The following THADA variants were observed in gnomAD, a reference collection of about 807,000 sequenced individuals.
THADA encodes tRNA (32-2'-O)-methyltransferase regulator THADA.
In THADA, 213 loss-of-function variants were observed where a neutral mutation model predicts 219.8. The ratio of observed to expected loss-of-function variants is 0.97; its 90% CI spans 0.87 to 1.09. The LOEUF is 1.09. Ranked by LOEUF, THADA falls within the 50% of genes least tolerant of loss-of-function variation. THADA has a pLI of 0.00. For synonymous variants in THADA, 1,018 were observed against 828.9 expected (o/e 1.23, Z -3.92); for missense variants, 2,956 against 2,311.3 (o/e 1.28, Z -5.72).
chr2:43,515,207 A>T (rs374152438), intron 22 of THADA, among the ~76,000 whole-genome samples: 550 of 10,636 alleles, frequency 0.052, 18 homozygotes, highest in Non-Finnish European at 0.075. Context: ...TATAATATAT[A>T]ATATATAATA....
At chr2:43,347,520 C>A (rs1667764337) in intron 29 of THADA, among the ~76,000 whole-genome samples, 2 of 151,960 alleles carry the variant, frequency 1.3e-5, no homozygotes, top group Admixed American at 6.5e-5. Context: ...ATTGGTAATG[C>A]CAACAAAAAG....
At chr2:43,577,736 C>T (rs1700008679) in intron 9 of THADA, among the ~76,000 whole-genome samples, 1 of 151,734 alleles carries the variant, frequency 6.6e-6, no homozygotes, top group Non-Finnish European at 1.5e-5. Context: ...TCAAATTATA[C>T]TTTCTGTAAG....
At chr2:43,329,801 C>T (rs1365803143) in intron 30 of THADA, among the ~76,000 whole-genome samples, 3 of 152,178 alleles carry the variant, frequency 2.0e-5, no homozygotes, top group African/African-American at 7.2e-5. Flanking sequence ...GGTAGCCAGT[C>T]TGGTGAAAAG....
At chr2:43,439,085 GA>G (rs1387181644) in intron 26 of THADA, among the ~76,000 whole-genome samples, 11 of 152,044 alleles carry the variant, frequency 7.2e-5, no homozygotes, top group African/African-American at 2.7e-4. Context: ...TAATATTTTT[GA>G]ACCACTGGTG....
rs1333442088 is a variant in THADA, at chr2:43,498,942, T to C, written c.3635A>G (p.Asn1212Ser). ...ATCTCTGAACAATGCTCTAAGGATATTTAAAGCATGAACCTAAAACAAGAA... is the reference window on the plus strand; with the variant it reads ...ATCTCTGAACAATGCTCTAAGGATACTTAAAGCATGAACCTAAAACAAGAA... ...QSTVPQVHAL[N>S]ILRALFRDTR... Residue 1212 changes from asparagine (N) to serine (S), a missense_variant, in exon 25 of 38, where the codon AAT (asparagine) becomes AGT (serine). Coordinates refer to ENST00000405975, the MANE Select transcript of THADA (RefSeq NM_022065.5). 4 of 1,569,914 alleles carry C rather than the reference T, an allele frequency of 2.5e-6. No homozygotes were observed. Among genetic ancestry groups the C allele is most frequent in the Non-Finnish European group, 3.5e-6 (4 of 1,156,814 alleles).
chr2:43,349,770 A>C (rs889689469), intron 29 of THADA, among the ~76,000 whole-genome samples: 1 of 152,202 alleles, frequency 6.6e-6, no homozygotes, highest in African/African-American at 2.4e-5. Context: ...AAAAACCTCA[A>C]ATTCTGAAGA....
chr2:43,576,664 T>C (rs1375270040), intron 10 of THADA, among the ~76,000 whole-genome samples: 3 of 152,242 alleles, frequency 2.0e-5, no homozygotes, highest in Admixed American at 2.0e-4. Context: ...TTTATTTATT[T>C]ATTTTTTTAA....
intron 17 of THADA, among the ~76,000 whole-genome samples, chr2:43,554,301 G>C (rs1046737978): frequency 2.0e-5 from 3 of 152,098 alleles, no homozygotes; most frequent in Admixed American, 6.6e-5. Context: ...ATAAGGTAGT[G>C]AATCTAATTT....
chr2:43,299,853 C>A (rs1379722388), intron 31 of THADA, among the ~76,000 whole-genome samples: 1 of 103,832 alleles, frequency 9.6e-6, no homozygotes, highest in East Asian at 2.8e-4. Context: ...ATGGCGAAAC[C>A]CCGCCTCTAC....
intron 29 of THADA, among the ~76,000 whole-genome samples, chr2:43,356,636 C>T (rs1474508894): frequency 1.3e-5 from 2 of 152,178 alleles, no homozygotes; most frequent in Non-Finnish European, 2.9e-5. Context: ...TAGTACCTCA[C>T]TAATTTTTTC....
At chr2:43,312,912 A>G (rs17030659) in intron 31 of THADA, among the ~76,000 whole-genome samples, 2,979 of 152,304 alleles carry the variant, frequency 0.02, 104 homozygotes, top group African/African-American at 0.069. Context: ...CGAGGAACAG[A>G]TAAGAATTGT....
intron 36 of THADA, among the ~76,000 whole-genome samples, chr2:43,260,867 T>C (rs1284483505): frequency 6.6e-6 from 1 of 152,232 alleles, no homozygotes; most frequent in Non-Finnish European, 1.5e-5. Context: ...ACAAGGTTTA[T>C]ACCTATACAA....
chr2:43,314,040 G>A (rs544607008), intron 31 of THADA, among the ~76,000 whole-genome samples: 1 of 152,332 alleles, frequency 6.6e-6, no homozygotes, highest in Non-Finnish European at 1.5e-5. Context: ...CTCAATAAAT[G>A]TTGGCCACTA....
At chr2:43,329,554 A>G (rs1001538650) in intron 30 of THADA, among the ~76,000 whole-genome samples, 7 of 152,246 alleles carry the variant, frequency 4.6e-5, no homozygotes, top group African/African-American at 1.4e-4. Context: ...TTTAAAAAGT[A>G]TTCTTATTTT....
intron 26 of THADA, among the ~76,000 whole-genome samples, chr2:43,445,089 T>G (rs1390226728): frequency 6.6e-6 from 1 of 152,108 alleles, no homozygotes. Flanking sequence ...TTCTGGCCTA[T>G]AAAACCACCC....
intron 14 of THADA, among the ~76,000 whole-genome samples, chr2:43,569,788 G>A (rs933849705): frequency 2.6e-5 from 4 of 152,076 alleles, no homozygotes; most frequent in Non-Finnish European, 4.4e-5. Context: ...TAGATTTGGG[G>A]GAAGAACAGT....
intron 31 of THADA, among the ~76,000 whole-genome samples, chr2:43,295,632 T>C (rs547938935): frequency 6.6e-6 from 1 of 152,340 alleles, no homozygotes; most frequent in South Asian, 2.1e-4. Context: ...TAAAACACCG[T>C]TTATATTTAT....
rs375187811 is a variant in THADA, at chr2:43,317,961, T to A, written c.4438+2485A>T. ...TTACAATTCTTCCTATCTCTCCATT[T>A]GACAAAGTTAAACACATATATTTCA... On this transcript the variant is annotated intron_variant, in intron 31 of 37. Transcript: ENST00000405975. Among the ~76,000 whole-genome samples the A allele has an allele frequency of 3.3e-5, 5 of 152,244 alleles. No individual in the cohort carries two copies. The East Asian group carries it at 9.6e-4, about 29-fold the overall frequency.
intron 21 of THADA, among the ~76,000 whole-genome samples, chr2:43,532,271 G>A (rs547104493): frequency 2.0e-5 from 3 of 151,876 alleles, no homozygotes; most frequent in African/African-American, 7.2e-5. Flanking sequence ...ATACTAGCCG[G>A]GAGTGGCACC....
Sources: allele counts gnomAD v4.1 joint callset (sites outside exome capture counted in the v4.1 genomes callset), GRCh38; gene constraint gnomAD v4.1.1; transcripts MANE v1.5; gene names NCBI Gene and HGNC (gene_info 2026-07-23, HGNC 2026-07-21).